The following SYT14 variants were observed in gnomAD, a reference collection of about 807,000 sequenced individuals.
The protein encoded by SYT14 is synaptotagmin 14, also known as synaptotagmin-14.
A neutral mutation model predicts 74.2 loss-of-function variants in SYT14; 32 were observed. The observed-to-expected ratio is 0.43, with a 90% CI of 0.33 to 0.58. The LOEUF is 0.58. Among genes scored for constraint, SYT14 ranks in the 20% least tolerant of loss-of-function variants. The pLI, the probability that SYT14 is intolerant of heterozygous loss-of-function variation, is 0.05. For missense variants in SYT14, 791 were observed against 981.8 expected (o/e 0.81, Z 2.60); for synonymous variants, 298 against 337.7 (o/e 0.88, Z 1.29).
At chr1:210,067,748 TATTTCAC>T (rs1197998277) in intron 5 of SYT14, among the ~76,000 whole-genome samples, 1 of 151,964 alleles carries the variant, frequency 6.6e-6, no homozygotes, top group East Asian at 1.9e-4. Flanking sequence ...TGATAGGTGG[TATTTCAC>T]ATTTTTGTGG....
At chr1:210,157,514 C>T (rs576455267) in intron 8 of SYT14, among the ~76,000 whole-genome samples, 7 of 151,402 alleles carry the variant, frequency 4.6e-5, no homozygotes, top group Admixed American at 1.3e-4. Flanking sequence ...GAGGCCGAGG[C>T]GGGTGGATCA....
At chr1:210,163,886 A>G (rs749364673) in exon 10 of SYT14, 12 of 453,688 alleles carry the variant, frequency 2.6e-5, no homozygotes, top group South Asian at 1.9e-4. Context: ...ACCTACTGGT[A>G]GGGAGCAGGT....
chr1:210,122,602 C>T (rs1199608820), intron 7 of SYT14, among the ~76,000 whole-genome samples: 3 of 150,276 alleles, frequency 2.0e-5, no homozygotes, highest in Admixed American at 6.6e-5. Context: ...TGGTCTCTGT[C>T]GCATTTTTTT....
chr1:210,024,283 C>T (rs1010369476), intron 5 of SYT14, among the ~76,000 whole-genome samples: 2 of 152,050 alleles, frequency 1.3e-5, no homozygotes, highest in Non-Finnish European at 2.9e-5. Context: ...GAAAAGATAT[C>T]AGTTAAGGAG....
rs140815901 is a variant in SYT14 at position 210,126,655 on chromosome 1, C to A, written c.2034+26194C>A. 1.2e-4 allele frequency among the ~76,000 whole-genome samples: 19 copies of A among 152,204 alleles called. No individual in the cohort carries two copies. In the East Asian group the frequency reaches 3.5e-3, roughly 28 times the overall value. ...TGTGATTTTTAGGACAAAAATACAA[C>A]GTAAAGTAGATCCAGAAATGAGAAC... On this transcript the variant is annotated intron_variant, in intron 7 of 9. Coordinates refer to ENST00000637265, the Ensembl canonical transcript of SYT14.
intron 7 of SYT14, among the ~76,000 whole-genome samples, chr1:210,151,904 C>T (rs2083172049): frequency 1.3e-5 from 2 of 152,082 alleles, no homozygotes; most frequent in Admixed American, 1.3e-4. Context: ...CTTTGTTTCT[C>T]AAAAGTGGCA....
At chr1:210,151,566 C>CTTTT (rs1408322237) in intron 7 of SYT14, among the ~76,000 whole-genome samples, 1 of 131,146 alleles carries the variant, frequency 7.6e-6, no homozygotes, top group Non-Finnish European at 1.6e-5. Context: ...TTCTTTACTG[C>CTTTT]TTTTCTTGTA....
chr1:210,116,883 T>C (rs2082372479), intron 7 of SYT14, among the ~76,000 whole-genome samples: 1 of 152,310 alleles, frequency 6.6e-6, no homozygotes, highest in East Asian at 1.9e-4. Context: ...TAAATTCTTA[T>C]TCAGTTTCAT....
chr1:209,990,570 T>TATATAC (rs375351414), intron 2 of SYT14, among the ~76,000 whole-genome samples: 9 of 135,966 alleles, frequency 6.6e-5, no homozygotes, highest in Admixed American at 5.6e-4. Context: ...CGTATATATA[T>TATATAC]GTATGTATAT....
At chr1:209,965,273 A>G (rs2079137313) in intron 2 of SYT14, among the ~76,000 whole-genome samples, 1 of 151,632 alleles carries the variant, frequency 6.6e-6, no homozygotes, top group Non-Finnish European at 1.5e-5. Flanking sequence ...TATTGTTTCC[A>G]TCTTTATGTC....
chr1:209,953,028 G>T lies in SYT14; in HGVS notation c.-486+272G>T, dbSNP rs931126780. Reference sequence around the variant, plus strand: ...AGACATGGTGAAGAGGCAAAGAATGGAGGGTTTGATTTTTGTTCCCTTTCA... The same window carrying T: ...AGACATGGTGAAGAGGCAAAGAATGTAGGGTTTGATTTTTGTTCCCTTTCA... On this transcript the variant is annotated intron_variant, in intron 2 of 9. Transcript: ENST00000637265. 5 of 1,406,124 alleles carry T rather than the reference G, an allele frequency of 3.6e-6. No individual in the cohort carries two copies. The African/African-American group carries it at 5.7e-5, about 16-fold the overall frequency. The allele number at this position is 1,406,124 out of a possible 1,614,324, so 87.1% of individuals were successfully genotyped here.
At chr1:210,047,896 T>A (rs1000877350) in intron 5 of SYT14, among the ~76,000 whole-genome samples, 1 of 152,210 alleles carries the variant, frequency 6.6e-6, no homozygotes, top group African/African-American at 2.4e-5. Context: ...AGGAATACTA[T>A]GTCAGTGAGA....
chr1:210,082,090 T>G (rs902163520), intron 5 of SYT14, among the ~76,000 whole-genome samples: 1 of 152,180 alleles, frequency 6.6e-6, no homozygotes, highest in African/African-American at 2.4e-5. Context: ...GTTGAGTAAA[T>G]GTAGTTGTTA....
chr1:210,085,555 G>A (rs1428037906), intron 5 of SYT14, among the ~76,000 whole-genome samples: 2 of 152,132 alleles, frequency 1.3e-5, no homozygotes, highest in Non-Finnish European at 2.9e-5. Flanking sequence ...TCTATTCCTA[G>A]TGCACTGAGA....
intron 1 of SYT14, among the ~76,000 whole-genome samples, chr1:209,948,940 A>T (rs867962086): frequency 6.6e-6 from 1 of 152,190 alleles, no homozygotes; most frequent in Non-Finnish European, 1.5e-5. Context: ...TCCCAAAGAT[A>T]CTGGCTAAGT....
intron 5 of SYT14, among the ~76,000 whole-genome samples, chr1:210,036,114 C>CT (rs1240354865): frequency 6.6e-6 from 1 of 151,940 alleles, no homozygotes; most frequent in East Asian, 1.9e-4. Flanking sequence ...TTGTAGAGAT[C>CT]TTTCACCTTC....
intron 2 of SYT14, among the ~76,000 whole-genome samples, chr1:210,009,007 T>C (rs1393089650): frequency 1.3e-5 from 2 of 152,146 alleles, no homozygotes; most frequent in Non-Finnish European, 2.9e-5. Context: ...ACCCTAACAA[T>C]AGCTGATGAG....
intron 8 of SYT14, 165 bp from the exon 8 acceptor site, chr1:210,159,256 A>T: frequency 1.4e-6 from 1 of 711,008 alleles, no homozygotes; most frequent in Admixed American, 2.4e-5. Context: ...TTTACCCAAC[A>T]TCCTTTTTGT....
intron 5 of SYT14, among the ~76,000 whole-genome samples, chr1:210,059,176 G>A (rs1044429714): frequency 6.6e-6 from 1 of 151,870 alleles, no homozygotes; most frequent in Non-Finnish European, 1.5e-5. Flanking sequence ...CTAACAGAAA[G>A]TGACTGGTAA....
Sources: gnomAD v4.1 joint callset for allele counts (sites outside exome capture counted in the v4.1 genomes callset) on GRCh38, gnomAD v4.1.1 for gene constraint, MANE v1.5 for transcripts, NCBI Gene and HGNC (gene_info 2026-07-23, HGNC 2026-07-21) for gene names.